CFAP77: variants seen among roughly 807,000 people sequenced by gnomAD.
The protein encoded by CFAP77 is cilia- and flagella-associated protein 77.
Under a neutral mutation model 31.1 loss-of-function variants are expected in CFAP77, and 25 were observed. The ratio of observed to expected loss-of-function variants is 0.80; its 90% confidence interval spans 0.59 to 1.12. The LOEUF (loss-of-function observed/expected upper bound fraction) is 1.12. CFAP77 is among the 50% of genes most tolerant of loss of function. The pLI, the probability that CFAP77 is intolerant of heterozygous loss-of-function variation, is 0.00. For missense variants in CFAP77, 377 were observed against 397.3 expected, an observed-to-expected ratio of 0.95 and a Z score of 0.44; for synonymous variants, 151 against 159.9, an observed-to-expected ratio of 0.94 and a Z score of 0.42.
At position 132,499,096 on chromosome 9, in the gene CFAP77, G is replaced by A. The variant is rs1011982024; in HGVS notation, c.296-276G>A. ...TGCTCACGTTACAAGAATGGAATGAGACTGGGACCAACCCTCTGCCTGCCC... is the reference window on the plus strand; with the variant it reads ...TGCTCACGTTACAAGAATGGAATGAAACTGGGACCAACCCTCTGCCTGCCC... On this transcript the variant is annotated intron_variant, in intron 2 of 5. Transcript: ENST00000393216. The surrounding 1 kb of genome is among the most constrained non-coding windows in gnomAD (Gnocchi z 5.4). 9.9e-5 allele frequency among the ~76,000 whole-genome samples: 15 copies of A among 152,214 alleles called. No homozygotes were observed. The highest frequency in any genetic ancestry group is 2.2e-4 in the Non-Finnish European group (15 of 68,048).
chr9:132,426,061 C>T (rs1044889557), intron 1 of CFAP77, among the ~76,000 whole-genome samples: 12 of 152,196 alleles, frequency 7.9e-5, no homozygotes, highest in Admixed American at 2.6e-4. Context: ...TGCCGAGACC[C>T]CCGCCCGCCT....
intron 1 of CFAP77, among the ~76,000 whole-genome samples, chr9:132,450,468 T>C (rs1458681641): frequency 2.0e-5 from 3 of 152,098 alleles, no homozygotes; most frequent in Non-Finnish European, 2.9e-5. Context: ...ATAAAAACAA[T>C]GACTGCAAAC....
chr9:132,428,812 A>ACC (rs61182431), intron 1 of CFAP77, among the ~76,000 whole-genome samples: 56 of 149,658 alleles, frequency 3.7e-4, no homozygotes, highest in African/African-American at 9.1e-4. Flanking sequence ...CACTTTGAAG[A>ACC]CCCCCCCCTG....
Position 132,482,750 on chromosome 9 carries a change from C to T in CFAP77, c.196-15945C>T, listed in dbSNP as rs554936074. 7.5e-4 allele frequency among the ~76,000 whole-genome samples: 94 copies of T among 124,528 alleles called. 1 individual carries two copies. Among genetic ancestry groups the T allele is most frequent in the African/African-American group, 3.1e-3 (94 of 30,042 alleles). 81.7% of individuals were successfully genotyped at this position (124,528 alleles called of 152,430 possible). A position where few individuals can be genotyped will look rare whatever the true frequency, so the allele number is the denominator to read the frequency against. On this transcript the variant is annotated intron_variant, in intron 1 of 5. Transcript: ENST00000393216. ...CTAGTTGGATTCTCATTTTTTTTTTCTTAAGAACACATGGACACAGGAAGG... is the reference window on the plus strand; with the variant it reads ...CTAGTTGGATTCTCATTTTTTTTTTTTTAAGAACACATGGACACAGGAAGG...
chr9:132,538,650 C>T (rs1388875401), intron 4 of CFAP77, among the ~76,000 whole-genome samples: 1 of 152,048 alleles, frequency 6.6e-6, no homozygotes, highest in Non-Finnish European at 1.5e-5. Flanking sequence ...TGATAGTGGG[C>T]ACCTGTAATC....
At chr9:132,485,985 CATAT>C (rs61265124) in intron 1 of CFAP77, among the ~76,000 whole-genome samples, 67 of 53,482 alleles carry the variant, frequency 1.3e-3, no homozygotes, top group South Asian at 2.0e-3. Flanking sequence ...ACACACACCT[CATAT>C]ATATATATAT....
At chr9:132,496,642 T>C (rs1480627799) in intron 1 of CFAP77, among the ~76,000 whole-genome samples, 2 of 152,194 alleles carry the variant, frequency 1.3e-5, no homozygotes, top group African/African-American at 2.4e-5. Context: ...GCCAACTCTA[T>C]CCATGCTACC....
At chr9:132,561,648 C>T (rs1050875417) in intron 5 of CFAP77, among the ~76,000 whole-genome samples, 1 of 106,056 alleles carries the variant, frequency 9.4e-6, no homozygotes, top group African/African-American at 7.6e-5. Flanking sequence ...CACACACACA[C>T]ACACACACAC....
chr9:132,542,709 C>T (rs1478112551), intron 4 of CFAP77, among the ~76,000 whole-genome samples: 1 of 152,234 alleles, frequency 6.6e-6, no homozygotes, highest in Admixed American at 6.5e-5. Context: ...GACTGGAATG[C>T]TCCGGGTGTC....
chr9:132,457,618 T>C (rs1022816940), intron 1 of CFAP77, among the ~76,000 whole-genome samples: 3 of 152,214 alleles, frequency 2.0e-5, no homozygotes, highest in Admixed American at 6.5e-5. Context: ...TCTCGCCTTG[T>C]TGCTGGAATC....
chr9:132,516,883 G>A (rs916809200), intron 3 of CFAP77, among the ~76,000 whole-genome samples: 2 of 152,124 alleles, frequency 1.3e-5, no homozygotes, highest in African/African-American at 2.4e-5. Context: ...AAAAAACCAC[G>A]GTGAAACTGT....
rs114132512 is a variant in CFAP77, at chr9:132,467,629, C to T, written c.196-31066C>T. 9.9e-3 allele frequency among the ~76,000 whole-genome samples: 1,514 copies of T among 152,236 alleles called. 29 individuals are homozygous for T. The highest frequency in any genetic ancestry group is 0.035 in the African/African-American group (1,435 of 41,536). Reference sequence around the variant, plus strand: ...CACTTGGGTTGTTTCCACCTTTTGGCTATTGTGAATTATTCTGCCATGAAC... The same window carrying T: ...CACTTGGGTTGTTTCCACCTTTTGGTTATTGTGAATTATTCTGCCATGAAC... On this transcript the variant is annotated intron_variant, in intron 1 of 5. Transcript: ENST00000393216.
chr9:132,546,060 G>A (rs1034796753), intron 5 of CFAP77, among the ~76,000 whole-genome samples: 2 of 152,344 alleles, frequency 1.3e-5, no homozygotes, highest in African/African-American at 4.8e-5. Context: ...GGCCAGCAGG[G>A]TGCCTGGCAC....
intron 3 of CFAP77, among the ~76,000 whole-genome samples, chr9:132,503,982 C>T (rs1428398780): frequency 2.0e-5 from 3 of 152,036 alleles, no homozygotes; most frequent in Non-Finnish European, 2.9e-5. Context: ...GAGGTTGCAG[C>T]GAACCAAGAT....
At chr9:132,460,218 G>C (rs1314214396) in intron 1 of CFAP77, among the ~76,000 whole-genome samples, 1 of 152,172 alleles carries the variant, frequency 6.6e-6, no homozygotes, top group Non-Finnish European at 1.5e-5. Flanking sequence ...TTCCCGGGCA[G>C]TTCAGCGGTC....
At chr9:132,571,730 CT>C (rs1369766827) in intron 5 of CFAP77, among the ~76,000 whole-genome samples, 1 of 152,148 alleles carries the variant, frequency 6.6e-6, no homozygotes, top group African/African-American at 2.4e-5. Flanking sequence ...TTTTGTAGCA[CT>C]TGGAGGTGAT....
chr9:132,519,382 A>C (rs774193981), intron 3 of CFAP77, among the ~76,000 whole-genome samples: 13 of 33,694 alleles, frequency 3.9e-4, no homozygotes, highest in Non-Finnish European at 7.4e-4. Flanking sequence ...ATGGATGGAT[A>C]GGTGGATGGA....
chr9:132,483,314 A>G (rs753995272), intron 1 of CFAP77, among the ~76,000 whole-genome samples: 11 of 151,752 alleles, frequency 7.2e-5, no homozygotes, highest in Non-Finnish European at 1.5e-4. Context: ...CAACAACAAA[A>G]ACTCACCCTT....
intron 5 of CFAP77, among the ~76,000 whole-genome samples, chr9:132,567,945 A>G (rs573431270): frequency 5.9e-5 from 9 of 152,232 alleles, no homozygotes; most frequent in East Asian, 3.9e-4. Context: ...ATCTTTAATT[A>G]TATCTGCAAA....
Sources: gnomAD v4.1 joint callset for allele counts (sites outside exome capture counted in the v4.1 genomes callset) on GRCh38, gnomAD v4.1.1 for gene constraint, Gnocchi (gnomAD v3.1) non-coding constraint, MANE v1.5 for transcripts, NCBI Gene and HGNC (gene_info 2026-07-23, HGNC 2026-07-21) for gene names.